The following TTF2 variants were observed in gnomAD, a reference collection of about 807,000 sequenced individuals.
The protein encoded by TTF2 is transcription termination factor 2.
TTF2 carries 108 observed loss-of-function variants against 142.4 expected under a neutral mutation model. The observed-to-expected ratio is 0.76, with a 90% confidence interval of 0.65 to 0.89. The LOEUF (loss-of-function observed/expected upper bound fraction) is 0.89. Among genes scored for constraint, TTF2 ranks in the 40% least tolerant of loss-of-function variants. The pLI is 0.00. For synonymous variants in TTF2, 483 were observed against 506.2 expected (o/e 0.95, Z 0.61); for missense variants, 1,327 against 1,379.8 (o/e 0.96, Z 0.61).
chr1:117,062,275 T>A, intron 2 of TTF2, 112 bp from the exon 3 acceptor site: 1 of 904,944 alleles, frequency 1.1e-6, no homozygotes, highest in Non-Finnish European at 1.7e-6. Flanking sequence ...ACAAACCCAG[T>A]AGAGGTTATA....
chr1:117,095,532 T>C (rs772967681), intron 19 of TTF2, among the ~76,000 whole-genome samples, 165 bp downstream of exon 19: 7 of 152,068 alleles, frequency 4.6e-5, no homozygotes, highest in Admixed American at 1.3e-4. Flanking sequence ...GTGGTACAAA[T>C]TGAAAAGGAG....
At chr1:117,082,107 G>A (rs770741506) in intron 10 of TTF2, 160 bp downstream of exon 10, 11 of 1,090,648 alleles carry the variant, frequency 1.0e-5, no homozygotes. Context: ...TTCTGATGCT[G>A]AGTATGCTAA....
At chr1:117,061,108 G>A (rs1323559060) in intron 2 of TTF2, among the ~76,000 whole-genome samples, 1 of 152,182 alleles carries the variant, frequency 6.6e-6, no homozygotes, top group Non-Finnish European at 1.5e-5. Context: ...AACAACGGAG[G>A]GCCTGGCGCG....
Position 117,080,096 on chromosome 1 carries a change from G to T in TTF2, c.1783+447G>T, listed in dbSNP as rs1043539360. 6.7e-6 allele frequency among the ~76,000 whole-genome samples: 1 copy of T among 149,254 alleles called. No individual in the cohort carries two copies. The highest frequency in any genetic ancestry group is 6.8e-5 in the Admixed American group (1 of 14,712). On this transcript the variant is annotated intron_variant, in intron 9 of 22. Transcript: ENST00000369466. This position sits in a 1 kb window ranked among gnomAD's most constrained non-coding sequence, Gnocchi z 4.3. ...GCGATCTCGGCTCACTGCAACCTCCGCTTCCCAAGTTCAAGTGATTCTCCT... is the reference window on the plus strand; with the variant it reads ...GCGATCTCGGCTCACTGCAACCTCCTCTTCCCAAGTTCAAGTGATTCTCCT...
chr1:117,079,656 G>C lies in TTF2; in HGVS notation c.1783+7G>C. 6.2e-7 allele frequency: 1 copy of C among 1,614,008 alleles called. No homozygotes were observed. Among genetic ancestry groups the C allele is most frequent in the Non-Finnish European group, 8.5e-7 (1 of 1,179,810 alleles). ...CCACAAGGAGGAATTCTGGGTAAGTGTGGTATTATAAGAGTCAGCCTTTAT... is the reference window on the plus strand; with the variant it reads ...CCACAAGGAGGAATTCTGGGTAAGTCTGGTATTATAAGAGTCAGCCTTTAT... On this transcript the variant is annotated splice_region_variant and intron_variant, in intron 9 of 22. Transcript: ENST00000369466. This position sits in a 1 kb window ranked among gnomAD's most constrained non-coding sequence, Gnocchi z 4.2.
chr1:117,076,109 C>A lies in TTF2; in HGVS notation c.1276-71C>A. 1 of 1,442,760 alleles carries A rather than the reference C, an allele frequency of 6.9e-7. No homozygotes were observed. The highest frequency in any genetic ancestry group is 9.5e-7 in the Non-Finnish European group (1 of 1,049,928). 89.4% of individuals were successfully genotyped at this position (1,442,760 alleles called of 1,614,324 possible). A position where few individuals can be genotyped will look rare whatever the true frequency, so the allele number is the denominator to read the frequency against. On this transcript the variant is annotated intron_variant, in intron 5 of 22. Transcript: ENST00000369466. The surrounding 1 kb of genome is among the most constrained non-coding windows in gnomAD (Gnocchi z 4.6). ...AATTTCAGAGTTTGGGTGTTTCAGG[C>A]TATTTTAATCTGAAACTATTCATCT...
At position 117,086,718 on chromosome 1, in the gene TTF2, C is replaced by T. The variant is rs542348112; in HGVS notation, c.2160+196C>T. 1.3e-4 allele frequency among the ~76,000 whole-genome samples: 20 copies of T among 152,298 alleles called. No individual in the cohort carries two copies. Among genetic ancestry groups the T allele is most frequent in the Middle Eastern group, 3.4e-3 (1 of 294 alleles). On this transcript the variant is annotated intron_variant, in intron 12 of 22. Coordinates refer to ENST00000369466, the MANE Select transcript of TTF2 (RefSeq NM_003594.4). The surrounding 1 kb of genome is among the most constrained non-coding windows in gnomAD (Gnocchi z 4.2). ...AGACAACCACCTCAGTGATAAAGATCAACCTATGCCACAGGATTCAGCTGC... is the reference window on the plus strand; with the variant it reads ...AGACAACCACCTCAGTGATAAAGATTAACCTATGCCACAGGATTCAGCTGC...
intron 3 of TTF2, among the ~76,000 whole-genome samples, chr1:117,072,330 C>T (rs1410262941): frequency 1.3e-5 from 2 of 151,976 alleles, no homozygotes. Flanking sequence ...CTATCCACTT[C>T]ACCCCGTAAC....
Position 117,102,142 on chromosome 1 carries a change from A to C in TTF2, c.*618A>C, listed in dbSNP as rs1420498093. The C allele has an allele frequency of 6.6e-6, 1 of 152,248 alleles. No homozygotes were observed. Among genetic ancestry groups the C allele is most frequent in the Non-Finnish European group, 1.5e-5 (1 of 68,100 alleles). The allele number at this position is 152,248 out of a possible 1,614,324, so 9.4% of individuals were successfully genotyped here. ...GGGCAATACAGTGAGACCCTGTCTC[A>C]AAAAAAGGAAAAAAAAGCTCAAAAA... On this transcript the variant is annotated 3_prime_UTR_variant, in exon 23 of 23. Coordinates refer to ENST00000369466, the MANE Select transcript of TTF2 (RefSeq NM_003594.4).
chr1:117,073,585 T>G lies in TTF2; in HGVS notation c.219-76T>G. On this transcript the variant is annotated intron_variant, in intron 3 of 22. Transcript: ENST00000369466. This position sits in a 1 kb window ranked among gnomAD's most constrained non-coding sequence, Gnocchi z 4.4. ...TTCAAATAGTTGCAAGATGTTTTCT[T>G]GGATTAAAAATAAGCTTATCTCTTG... 7.1e-7 allele frequency: 1 copy of G among 1,415,290 alleles called. No individual in the cohort carries two copies. The highest frequency in any genetic ancestry group is 2.4e-5 in the East Asian group (1 of 40,874). The allele number at this position is 1,415,290 out of a possible 1,614,324, so 87.7% of individuals were successfully genotyped here.
chr1:117,061,023 C>G (rs2764861), intron 2 of TTF2, among the ~76,000 whole-genome samples: 113,506 of 152,110 alleles, frequency 0.75, 44,778 homozygotes, highest in East Asian at 0.88. Context: ...TAGTTGTTAG[C>G]CTTCTTATTT....
In TTF2 at chr1:117,084,120, T is replaced by C. The variant is rs1285270569; in HGVS notation, c.2006T>C (p.Leu669Pro). The change falls in exon 11 of 23, where the codon CTA (leucine) becomes CCA (proline). Residue 669 changes from leucine (L) to proline (P), a missense_variant. Leu to Pro is a moderately conservative substitution (Grantham distance 98). Coordinates refer to ENST00000369466, the MANE Select transcript of TTF2 (RefSeq NM_003594.4). The part of the protein sequence containing the change: ...EVEKRVNSNK[L>P]RVYLYHGPNR... ...GAGAAACGGGTGAACAGCAACAAAC[T>C]AAGAGTCTATCTCTACCATGGGCCA... The C allele has an allele frequency of 6.2e-7, 1 of 1,614,132 alleles. No homozygotes were observed. The highest frequency in any genetic ancestry group is 8.5e-7 in the Non-Finnish European group (1 of 1,180,038).
chr1:117,095,168 G>A, intron 18 of TTF2, 141 bp from the exon 19 acceptor site: 1 of 708,610 alleles, frequency 1.4e-6, no homozygotes, highest in Non-Finnish European at 2.4e-6. Flanking sequence ...GAGCTTTCTG[G>A]CTGCAGAGAG....
chr1:117,094,484 C>T (rs1570876359), intron 18 of TTF2, among the ~76,000 whole-genome samples: 1 of 152,272 alleles, frequency 6.6e-6, no homozygotes, highest in East Asian at 1.9e-4. Context: ...GACAGCTCCC[C>T]TGTGGACTCA....
In TTF2 at chr1:117,075,388, T is replaced by C; in HGVS notation, c.804T>C (p.Ser268=). 6.2e-7 allele frequency: 1 copy of C among 1,614,114 alleles called. No homozygotes were observed. The highest frequency in any genetic ancestry group is 1.1e-5 in the South Asian group (1 of 91,080). The change falls in exon 5 of 23, where the codon AGT becomes AGC. Residue 268 remains serine (S), a synonymous_variant. Coordinates refer to ENST00000369466, the MANE Select transcript of TTF2 (RefSeq NM_003594.4). The surrounding 1 kb of genome is among the most constrained non-coding windows in gnomAD (Gnocchi z 4.5). ...AGCTTTTGCCTCAAAATGTTCACAG[T>C]CACAACTCAATAAGCAAGCCCCAGA... ...VTQLLPQNVH[S]HNSISKPQKG...
Position 117,076,922 on chromosome 1 carries a change from C to T in TTF2, c.1573+99C>T, listed in dbSNP as rs746833180. 1.0e-5 allele frequency: 12 copies of T among 1,160,658 alleles called. No homozygotes were observed. Among genetic ancestry groups the T allele is most frequent in the South Asian group, 8.5e-5 (5 of 58,546 alleles). The allele number at this position is 1,160,658 out of a possible 1,614,324, so 71.9% of individuals were successfully genotyped here. ...CCTCTTATCCACACTTTCAGTTAAC[C>T]TTAGTCACCTGTGGTTCAAAAAAAG... On this transcript the variant is annotated intron_variant, in intron 7 of 22. Coordinates refer to ENST00000369466, the MANE Select transcript of TTF2 (RefSeq NM_003594.4). The surrounding 1 kb of genome is among the most constrained non-coding windows in gnomAD (Gnocchi z 4.6).
At chr1:117,081,580 T>G (rs1427025817) in intron 9 of TTF2, among the ~76,000 whole-genome samples, 1 of 152,162 alleles carries the variant, frequency 6.6e-6, no homozygotes, top group Non-Finnish European at 1.5e-5. Flanking sequence ...AATATTCAAA[T>G]TGTAAGTTTT....
Position 117,104,495 on chromosome 1 carries a change from T to C in TTF2, c.*2971T>C, listed in dbSNP as rs1649809476. 6.6e-6 allele frequency: 1 copy of C among 152,216 alleles called. No individual in the cohort carries two copies. Among genetic ancestry groups the C allele is most frequent in the South Asian group, 2.1e-4 (1 of 4,834 alleles). The allele number at this position is 152,216 out of a possible 1,614,324, so 9.4% of individuals were successfully genotyped here. A position where few individuals can be genotyped will look rare whatever the true frequency, so the allele number is the denominator to read the frequency against. On this transcript the variant is annotated 3_prime_UTR_variant, in exon 23 of 23. Coordinates refer to ENST00000369466, the MANE Select transcript of TTF2 (RefSeq NM_003594.4). ...ATTGTAACTTAAAATCTTCAGATAT[T>C]GAGGCCATTGACAAGTAATCTACTG... is the stretch of plus-strand genomic sequence containing the variant.
In TTF2 at chr1:117,091,368, G is replaced by A; in HGVS notation, c.2629G>A (p.Gly877Ser). 6.2e-7 allele frequency: 1 copy of A among 1,613,398 alleles called. No homozygotes were observed. The change falls in exon 16 of 23, where the codon GGC (glycine) becomes AGC (serine). Residue 877 changes from glycine (G) to serine (S), a missense_variant. Gly to Ser is a moderately conservative substitution (Grantham distance 56, BLOSUM62 0). Coordinates refer to ENST00000369466, the MANE Select transcript of TTF2 (RefSeq NM_003594.4). ...QSYLKRHESR[G>S]NQSGRSPNNP... ...CTATCTAAAAAGACATGAAAGTAGA[G>A]GCAACCAATCTGGAAGAAGCCCTAA...
Sources: gnomAD v4.1 joint callset for allele counts (sites outside exome capture counted in the v4.1 genomes callset) on GRCh38, gnomAD v4.1.1 for gene constraint, Gnocchi (gnomAD v3.1) non-coding constraint, MANE v1.5 for transcripts, NCBI Gene and HGNC (gene_info 2026-07-23, HGNC 2026-07-21) for gene names.